The following MARCHF7 variants were observed in gnomAD, a reference collection of about 807,000 sequenced individuals.
The protein encoded by MARCHF7 is E3 ubiquitin-protein ligase MARCHF7.
In MARCHF7, 20 loss-of-function variants were observed where a neutral mutation model predicts 76.5. The ratio of observed to expected loss-of-function variants is 0.26; its 90% CI spans 0.18 to 0.38. The LOEUF (loss-of-function observed/expected upper bound fraction) is 0.38. MARCHF7 is among the 10% of genes least tolerant of loss of function. The pLI is 1.00. For synonymous variants in MARCHF7, 295 were observed against 293.0 expected, an observed-to-expected ratio of 1.01 and a Z score of -0.07; for missense variants, 797 against 812.9, an observed-to-expected ratio of 0.98 and a Z score of 0.24.
intron 11 of MARCHF7, among the ~76,000 whole-genome samples, 196 bp from the exon 12 acceptor site, chr2:159,767,088 C>T (rs1356372355): frequency 6.6e-6 from 1 of 152,012 alleles, no homozygotes; most frequent in Non-Finnish European, 1.5e-5. Flanking sequence ...GGTGTGGGGG[C>T]GGGGAGAATT....
Position 159,747,986 on chromosome 2 carries a change from A to C in MARCHF7, c.696A>C (p.Glu232Asp). Residue 232 changes from glutamate (E) to aspartate (D), a missense_variant, in exon 7 of 12, where the codon GAA becomes GAC. By Grantham distance (45) the Glu-to-Asp change is conservative (BLOSUM62 2). Transcript: ENST00000409175. ...CAAATTTTTCTTCAAGAGAATCAGAATCTTCCCGAAGCAATACGCAGCCTG... is the reference window on the plus strand; with the variant it reads ...CAAATTTTTCTTCAAGAGAATCAGACTCTTCCCGAAGCAATACGCAGCCTG... Reference protein sequence around the residue: ...LRSNFSSRESESSRSNTQPGF... With the variant: ...LRSNFSSRESDSSRSNTQPGF... 1 of 1,614,120 alleles carries C rather than the reference A, an allele frequency of 6.2e-7. No homozygotes were observed. The highest frequency in any genetic ancestry group is 8.5e-7 in the Non-Finnish European group (1 of 1,180,000).
At chr2:159,733,337 A>C in intron 4 of MARCHF7, 1 of 485,164 alleles carries the variant, frequency 2.1e-6, no homozygotes, top group Non-Finnish European at 2.7e-6. Context: ...TCCTGGGCTC[A>C]AGCAGTCCTC....
intron 4 of MARCHF7, among the ~76,000 whole-genome samples, chr2:159,729,799 C>T (rs13415025): frequency 0.34 from 52,401 of 151,996 alleles, 9,238 homozygotes; most frequent in South Asian, 0.44. Flanking sequence ...TACCTCCTTT[C>T]CCTCTAAGAT....
rs537948571 is a variant in MARCHF7, at chr2:159,731,462, A to C, written c.153+2287A>C. Reference sequence around the variant, plus strand: ...GTTAATGTTGTAGATTATTCAAAAAAGTTCATTTCTGGCCTGGCATGGTGG... The same window carrying C: ...GTTAATGTTGTAGATTATTCAAAAACGTTCATTTCTGGCCTGGCATGGTGG... On this transcript the variant is annotated intron_variant, in intron 4 of 11. Coordinates refer to ENST00000409175, the MANE Select transcript of MARCHF7 (RefSeq NM_001282805.2). 1.4e-4 allele frequency among the ~76,000 whole-genome samples: 22 copies of C among 152,226 alleles called. 1 individual carries two copies. In the South Asian group the frequency reaches 4.2e-3, roughly 29 times the overall value.
At chr2:159,746,529 G>A (rs759279213) in intron 6 of MARCHF7, among the ~76,000 whole-genome samples, 2 of 152,384 alleles carry the variant, frequency 1.3e-5, no homozygotes, top group Admixed American at 1.3e-4. Flanking sequence ...AGCCTCTCAA[G>A]TAGCTGGGGT....
chr2:159,732,010 A>G (rs1401983230), intron 4 of MARCHF7, among the ~76,000 whole-genome samples: 1 of 152,086 alleles, frequency 6.6e-6, no homozygotes, highest in Non-Finnish European at 1.5e-5. Context: ...AGGCTGAGGC[A>G]GGAGAATGGC....
At position 159,747,998 on chromosome 2, in the gene MARCHF7, C is replaced by T. The variant is rs1427899183; in HGVS notation, c.708C>T (p.Ser236=). The change falls in exon 7 of 12, where the codon AGC becomes AGT. Residue 236 remains serine (S), a synonymous_variant. Transcript: ENST00000409175. ...FSSRESESSR[S]NTQPGFSYSS... Reference sequence around the variant, plus strand: ...CAAGAGAATCAGAATCTTCCCGAAGCAATACGCAGCCTGGATTTTCTTACA... The same window carrying T: ...CAAGAGAATCAGAATCTTCCCGAAGTAATACGCAGCCTGGATTTTCTTACA... 5 of 1,613,998 alleles carry T rather than the reference C, an allele frequency of 3.1e-6. No individual in the cohort carries two copies. In the African/African-American group the frequency reaches 4.0e-5, roughly 13 times the overall value.
chr2:159,749,349 T>TGTTGTTG (rs531276336), intron 7 of MARCHF7, among the ~76,000 whole-genome samples: 1 of 151,368 alleles, frequency 6.6e-6, no homozygotes, highest in African/African-American at 2.4e-5. Flanking sequence ...TTTGTTTTTT[T>TGTTGTTG]TTGTTGTTGT....
In MARCHF7 at chr2:159,729,039, C is replaced by T. The variant is rs1374897765; in HGVS notation, c.17C>T (p.Ser6Leu). MESKP[S>L]RIPRRISVQP... ...TCTTTAAGAATGGAGTCTAAACCTTCAAGGATTCCAAGAAGAATTTCTGTT... is the reference window on the plus strand; with the variant it reads ...TCTTTAAGAATGGAGTCTAAACCTTTAAGGATTCCAAGAAGAATTTCTGTT... Residue 6 changes from serine to leucine, a missense_variant, in exon 4 of 12, where the codon TCA (serine) becomes TTA (leucine). By Grantham distance (145) the Ser-to-Leu change is moderately radical. This residue lies in a region of MARCHF7 where 643 missense variants were observed against 631.5 expected (regional missense o/e 1.02). Transcript: ENST00000409175. 21 of 1,586,982 alleles carry T rather than the reference C, an allele frequency of 1.3e-5. No individual in the cohort carries two copies. The highest frequency in any genetic ancestry group is 1.7e-5 in the Non-Finnish European group (20 of 1,171,398).
chr2:159,751,681 G>A (rs1164690607), intron 7 of MARCHF7, among the ~76,000 whole-genome samples: 2 of 152,124 alleles, frequency 1.3e-5, no homozygotes, highest in Admixed American at 6.5e-5. Context: ...GTGGACTAAC[G>A]CAGTAGGAAT....
At chr2:159,728,520 A>G (rs1046928902) in intron 3 of MARCHF7, among the ~76,000 whole-genome samples, 1 of 152,232 alleles carries the variant, frequency 6.6e-6, no homozygotes, top group Non-Finnish European at 1.5e-5. Flanking sequence ...GTAGAAACAT[A>G]TACAGAGAAG....
intron 5 of MARCHF7, among the ~76,000 whole-genome samples, chr2:159,743,624 C>T (rs1377635761): frequency 3.3e-5 from 5 of 151,934 alleles, no homozygotes; most frequent in Admixed American, 2.6e-4. Flanking sequence ...AAATGATAAA[C>T]ATTGTAGTAC....
In MARCHF7 at chr2:159,756,475, T is replaced by C. The variant is rs1706308253; in HGVS notation, c.1784-2751T>C. Among the ~76,000 whole-genome samples the C allele has an allele frequency of 3.3e-5, 5 of 151,638 alleles. No individual in the cohort carries two copies. In the South Asian group the frequency reaches 1.0e-3, roughly 32 times the overall value. On this transcript the variant is annotated intron_variant, in intron 8 of 11. Transcript: ENST00000409175. Reference sequence around the variant, plus strand: ...GCTGAGGCAGGTGGAGCACCTGAGGTCAGGAGTTCAAGACCAGCCTGGCCA... The same window carrying C: ...GCTGAGGCAGGTGGAGCACCTGAGGCCAGGAGTTCAAGACCAGCCTGGCCA...
Position 159,770,992 on chromosome 2 carries a change from G to T in MARCHF7, c.*3650G>T, listed in dbSNP as rs1335946990. On this transcript the variant is annotated 3_prime_UTR_variant, in exon 12 of 12. Transcript: ENST00000409175. ...ATGATTTTCACCTTTTTCTTAAAAT[G>T]TACAATAAATGCACTGAAAACTTTG... The T allele has an allele frequency of 6.6e-6, 1 of 152,078 alleles. No individual in the cohort carries two copies. The highest frequency in any genetic ancestry group is 1.5e-5 in the Non-Finnish European group (1 of 67,984). The allele number at this position is 152,078 out of a possible 1,614,324, so 9.4% of individuals were successfully genotyped here.
chr2:159,713,422 G>C (rs1700530447), intron 1 of MARCHF7, among the ~76,000 whole-genome samples: 1 of 152,096 alleles, frequency 6.6e-6, no homozygotes, highest in Non-Finnish European at 1.5e-5. Context: ...TAATAAATTC[G>C]TCACGACTAA....
At chr2:159,747,394 C>A (rs539430132) in intron 6 of MARCHF7, among the ~76,000 whole-genome samples, 1 of 151,986 alleles carries the variant, frequency 6.6e-6, no homozygotes, top group African/African-American at 2.4e-5. Context: ...AAACAGTCTC[C>A]CTAGGATGGA....
intron 4 of MARCHF7, among the ~76,000 whole-genome samples, chr2:159,739,932 T>C (rs917041131): frequency 6.6e-6 from 1 of 152,210 alleles, no homozygotes; most frequent in African/African-American, 2.4e-5. Context: ...TTTAAGTCTT[T>C]GGACACTTCA....
At chr2:159,733,493 C>T (rs1017465289) in intron 4 of MARCHF7, 68 of 975,966 alleles carry the variant, frequency 7.0e-5, no homozygotes, top group Non-Finnish European at 8.2e-5. Flanking sequence ...CTGCCTCACC[C>T]TCCAAAGGTG....
intron 10 of MARCHF7, among the ~76,000 whole-genome samples, chr2:159,763,429 C>T (rs975397056): frequency 6.6e-6 from 1 of 152,164 alleles, no homozygotes; most frequent in South Asian, 2.1e-4. Flanking sequence ...TTTTAAGTGT[C>T]CATATTACAA....
Sources: allele counts gnomAD v4.1 joint callset (sites outside exome capture counted in the v4.1 genomes callset), GRCh38; gene constraint gnomAD v4.1.1; regional missense constraint gnomAD v4.1.1; transcripts MANE v1.5; gene names NCBI Gene and HGNC (gene_info 2026-07-23, HGNC 2026-07-21).